TLK1: variants seen among roughly 807,000 people sequenced by gnomAD.
TLK1 encodes the protein tousled like kinase 1.
TLK1 carries 24 observed loss-of-function variants against 105.3 expected under a neutral mutation model. That is an observed-to-expected ratio of 0.23 (90% CI 0.17 to 0.32). The LOEUF is 0.32. Among genes scored for constraint, TLK1 ranks in the 10% least tolerant of loss-of-function variants. The pLI is 1.00. For missense variants in TLK1, 558 were observed against 910.5 expected, an observed-to-expected ratio of 0.61 and a Z score of 4.98; for synonymous variants, 321 against 310.4, an observed-to-expected ratio of 1.03 and a Z score of -0.36.
Position 171,125,841 on chromosome 2 carries a change from T to C in TLK1, c.140-7984A>G, listed in dbSNP as rs527992820. 3.3e-4 allele frequency among the ~76,000 whole-genome samples: 50 copies of C among 152,328 alleles called. 1 individual carries two copies. The highest frequency in any genetic ancestry group is 2.7e-3 in the Admixed American group (41 of 15,300). On this transcript the variant is annotated intron_variant, in intron 1 of 20. Coordinates refer to ENST00000431350, the MANE Select transcript of TLK1 (RefSeq NM_012290.5). The stretch of plus-strand genomic sequence containing the variant: ...CATCACCTGAAAGAATTATTCTTTT[T>C]TGATGTTTTTAGCCATGTAAAAATA...
chr2:171,061,553 T>C (rs1014963689), intron 3 of TLK1, among the ~76,000 whole-genome samples: 3 of 152,202 alleles, frequency 2.0e-5, no homozygotes, highest in Non-Finnish European at 4.4e-5. Flanking sequence ...ACATACTTAG[T>C]GTATAAAAGT....
At chr2:171,104,325 A>G (rs1231094120) in intron 2 of TLK1, among the ~76,000 whole-genome samples, 1 of 152,096 alleles carries the variant, frequency 6.6e-6, no homozygotes, top group Admixed American at 6.6e-5. Flanking sequence ...CAAACAAACA[A>G]AAGTAGAAAT....
intron 3 of TLK1, among the ~76,000 whole-genome samples, chr2:171,074,626 C>CAAAAAAAAA (rs372844435): frequency 6.7e-5 from 6 of 89,920 alleles, no homozygotes; most frequent in Non-Finnish European, 1.2e-4. Context: ...GACTCTGCCT[C>CAAAAAAAAA]AAAAAAAAAA....
At chr2:171,161,583 CTG>C (rs1167043283), upstream of TLK1, among the ~76,000 whole-genome samples, 1 of 152,100 alleles carries the variant, frequency 6.6e-6, no homozygotes, top group Non-Finnish European at 1.5e-5. Context: ...GTTTTGTAGA[CTG>C]TATGGTATAG....
chr2:171,112,136 G>C (rs1157804558), intron 2 of TLK1, among the ~76,000 whole-genome samples: 2 of 152,120 alleles, frequency 1.3e-5, no homozygotes, highest in African/African-American at 2.4e-5. Flanking sequence ...ATTTTTACTA[G>C]AGACAGGGTT....
At chr2:171,057,114 A>C (rs1687538371) in intron 5 of TLK1, among the ~76,000 whole-genome samples, 1 of 152,052 alleles carries the variant, frequency 6.6e-6, no homozygotes, top group South Asian at 2.1e-4. Context: ...TACAAAGTGC[A>C]TGACTTAGCT....
chr2:170,997,117 AG>A, intron 19 of TLK1, among the ~76,000 whole-genome samples: 1 of 152,246 alleles, frequency 6.6e-6, no homozygotes, highest in African/African-American at 2.4e-5. Flanking sequence ...CAATTTCCAA[AG>A]AATAAAATAC....
Position 171,007,637 on chromosome 2 carries a change from C to T in TLK1, c.1417-574G>A, listed in dbSNP as rs186824817. 5.9e-5 allele frequency among the ~76,000 whole-genome samples: 9 copies of T among 152,094 alleles called. No individual in the cohort carries two copies. The East Asian group carries it at 1.7e-3, about 29-fold the overall frequency. On this transcript the variant is annotated intron_variant, in intron 14 of 20. Transcript: ENST00000431350. ...AGTTTCAAAAATTACCAATATGTTGCCATTCTTGTTTCATCTATTCCCTAG... is the reference window on the plus strand; with the variant it reads ...AGTTTCAAAAATTACCAATATGTTGTCATTCTTGTTTCATCTATTCCCTAG...
chr2:171,090,079 A>G (rs1385297806), intron 2 of TLK1, among the ~76,000 whole-genome samples: 2 of 152,202 alleles, frequency 1.3e-5, no homozygotes, highest in African/African-American at 4.8e-5. Context: ...GAGTCTTCCA[A>G]TATTTGAATA....
chr2:171,035,801 C>T (rs1386595666), intron 11 of TLK1, among the ~76,000 whole-genome samples: 1 of 152,100 alleles, frequency 6.6e-6, no homozygotes, highest in Non-Finnish European at 1.5e-5. Flanking sequence ...TGACTGGCCG[C>T]TGCTGGCTAT....
chr2:171,085,763 T>A (rs1473325247), intron 2 of TLK1, among the ~76,000 whole-genome samples: 1 of 152,202 alleles, frequency 6.6e-6, no homozygotes, highest in African/African-American at 2.4e-5. Flanking sequence ...AAATGAATAG[T>A]TTACCAGTCT....
At chr2:171,033,707 G>A (rs1369076339) in intron 11 of TLK1, among the ~76,000 whole-genome samples, 2 of 147,642 alleles carry the variant, frequency 1.4e-5, no homozygotes. Flanking sequence ...AAGTAATTGC[G>A]GTTTTTGCCA....
chr2:171,143,401 G>C (rs1237698770), intron 1 of TLK1, among the ~76,000 whole-genome samples: 7 of 151,250 alleles, frequency 4.6e-5, no homozygotes, highest in Non-Finnish European at 1.0e-4. Flanking sequence ...ACCTACTCGG[G>C]AGGCTGAGGC....
At chr2:171,117,356 G>A (rs1690479457) in intron 2 of TLK1, among the ~76,000 whole-genome samples, 1 of 152,098 alleles carries the variant, frequency 6.6e-6, no homozygotes, top group African/African-American at 2.4e-5. Flanking sequence ...GACTGGTACT[G>A]GTCCTTGGCC....
At chr2:171,121,417 A>G (rs1690647995) in intron 1 of TLK1, among the ~76,000 whole-genome samples, 1 of 152,124 alleles carries the variant, frequency 6.6e-6, no homozygotes, top group Non-Finnish European at 1.5e-5. Context: ...CTGTAATTCC[A>G]GCTACTAAGG....
intron 8 of TLK1, among the ~76,000 whole-genome samples, chr2:171,052,354 A>G (rs1687282838): frequency 6.6e-6 from 1 of 152,214 alleles, no homozygotes; most frequent in Non-Finnish European, 1.5e-5. Flanking sequence ...TACTCTGGCT[A>G]TGTCTTTCCT....
chr2:171,224,557 T>C (rs898079223), intron 1 of TLK1, among the ~76,000 whole-genome samples: 6 of 152,228 alleles, frequency 3.9e-5, no homozygotes, highest in Non-Finnish European at 5.9e-5. Context: ...AGTAAACTAC[T>C]AAATAAATGG....
At position 171,191,408 on chromosome 2, in the gene TLK1, C is replaced by A. The variant is rs61390428; in HGVS notation, c.-6+39737G>T. Among the ~76,000 whole-genome samples the A allele has an allele frequency of 5.5e-3, 838 of 151,558 alleles. 8 individuals carry two copies. Among genetic ancestry groups the A allele is most frequent in the African/African-American group, 0.02 (805 of 41,028 alleles). The stretch of plus-strand genomic sequence containing the variant: ...ACATGGTGAGACCCACCACCCCCCC[C>A]TCTAAAAAAATGAAAATAAAGTTAG... On this transcript the variant is annotated intron_variant, in intron 1 of 20. Transcript: ENST00000521943.
chr2:171,214,296 C>G (rs1350740629), intron 1 of TLK1, among the ~76,000 whole-genome samples: 1 of 152,112 alleles, frequency 6.6e-6, no homozygotes. Flanking sequence ...GGGTGAGTCA[C>G]GTAACCCTTC....
Sources: gnomAD v4.1 joint callset for allele counts (sites outside exome capture counted in the v4.1 genomes callset) on GRCh38, gnomAD v4.1.1 for gene constraint, MANE v1.5 for transcripts, NCBI Gene and HGNC (gene_info 2026-07-23, HGNC 2026-07-21) for gene names.